The following C2CD3 variants were observed in gnomAD, a reference collection of about 807,000 sequenced individuals.
The protein encoded by C2CD3 is C2 domain-containing protein 3.
A neutral mutation model predicts 234.0 loss-of-function variants in C2CD3; 148 were observed. That is an observed-to-expected ratio of 0.63 (90% CI 0.55 to 0.72). The LOEUF (loss-of-function observed/expected upper bound fraction) is 0.72. C2CD3 is among the 30% of genes least tolerant of loss of function. C2CD3 has a pLI of 0.00. For missense variants in C2CD3, 2,577 were observed against 2,811.5 expected, an observed-to-expected ratio of 0.92 and a Z score of 1.89; for synonymous variants, 1,000 against 1,035.4, an observed-to-expected ratio of 0.97 and a Z score of 0.66.
chr11:74,119,237 C>A (rs963636449), intron 8 of C2CD3, among the ~76,000 whole-genome samples: 1 of 152,102 alleles, frequency 6.6e-6, no homozygotes, highest in African/African-American at 2.4e-5. Flanking sequence ...CCATTCTATA[C>A]TACAAATGAT....
In C2CD3 at chr11:74,050,112, A is replaced by T. The variant is rs576341848; in HGVS notation, c.5156-570T>A. 3.0e-4 allele frequency among the ~76,000 whole-genome samples: 46 copies of T among 152,254 alleles called. 2 individuals are homozygous for T. In the South Asian group the frequency reaches 8.7e-3, roughly 29 times the overall value. On this transcript the variant is annotated intron_variant, in intron 26 of 32. Transcript: ENST00000334126. ...TTGATATAGGCAATTAGAAAATAAC[A>T]CTAAATTTAAGAACTTATTTTTCCT...
chr11:74,042,132 C>T lies in C2CD3; in HGVS notation c.5582G>A (p.Gly1861Glu). 1 of 1,613,854 alleles carries T rather than the reference C, an allele frequency of 6.2e-7. No homozygotes were observed. The highest frequency in any genetic ancestry group is 8.5e-7 in the Non-Finnish European group (1 of 1,179,978). ...GTCATCACATGGCAAGGGTGCCTCT[C>T]CCTGAAGATGCAGGGATTCATGAAA... ...RRFHESLHLQ[G>E]EAPLPCDDKL... is the part of the protein sequence containing the mutation. The change falls in exon 29 of 33, where the codon GGA becomes GAA. Residue 1861 changes from glycine to glutamate, a missense_variant. Gly to Glu is a moderately conservative substitution (Grantham distance 98). Transcript: ENST00000334126.
rs760878855 is a variant in C2CD3, at chr11:74,034,266, A to G, written c.5894T>C (p.Ile1965Thr). ...VSSLITDLQT[I>T]TRDSQAALSS... is the part of the protein sequence containing the mutation. ...CAAAGCTGCTTGCGAATCCCTGGTG[A>G]TAGTCTGCAGATCTGAACAGCAACA... Residue 1965 changes from isoleucine to threonine, a missense_variant, in exon 31 of 33, where the codon ATC becomes ACC. Ile to Thr is a moderately conservative substitution (Grantham distance 89). Coordinates refer to ENST00000334126, the MANE Select transcript of C2CD3 (RefSeq NM_001286577.2). The G allele has an allele frequency of 3.4e-5, 52 of 1,535,358 alleles. No individual in the cohort carries two copies. The highest frequency in any genetic ancestry group is 4.3e-5 in the Non-Finnish European group (49 of 1,146,550).
At chr11:74,023,604 CA>C (rs1460967976) in intron 32 of C2CD3, among the ~76,000 whole-genome samples, 2 of 152,190 alleles carry the variant, frequency 1.3e-5, no homozygotes, top group African/African-American at 4.8e-5. Flanking sequence ...TTTTTCCTCT[CA>C]AAAGGCCAAT....
chr11:74,038,114 T>C (rs1228262239), intron 29 of C2CD3, among the ~76,000 whole-genome samples: 1 of 152,136 alleles, frequency 6.6e-6, no homozygotes, highest in Admixed American at 6.6e-5. Context: ...CTTCCCTAAA[T>C]TGGTTTAGGG....
chr11:74,042,339 T>G (rs1953107785), intron 28 of C2CD3, 121 bp from the exon 29 acceptor site: 1 of 1,001,702 alleles, frequency 1.0e-6, no homozygotes. Context: ...ATCCCCACTA[T>G]CACAGTTCTG....
intron 3 of C2CD3, chr11:74,142,438 A>C (rs1854869476): frequency 6.6e-6 from 1 of 152,248 alleles, no homozygotes; most frequent in Admixed American, 6.5e-5. Flanking sequence ...TGAACTATGA[A>C]ACATGAATAT....
chr11:74,117,014 A>ATATATACGTGTATATGTATATATACACG (rs1956991421), intron 9 of C2CD3, among the ~76,000 whole-genome samples: 8 of 123,000 alleles, frequency 6.5e-5, no homozygotes, highest in Non-Finnish European at 1.2e-4. Context: ...ATATATACAC[A>ATATATACGTGTATATGTATATATACACG]TATATACGTG....
chr11:74,040,546 G>A (rs1215302155), intron 29 of C2CD3, among the ~76,000 whole-genome samples: 3 of 152,012 alleles, frequency 2.0e-5, no homozygotes, highest in Admixed American at 6.6e-5. Context: ...CACGAGGTCA[G>A]GAGTTTGAGA....
intron 3 of C2CD3, among the ~76,000 whole-genome samples, chr11:74,141,229 T>C (rs1958038308): frequency 6.6e-6 from 1 of 152,214 alleles, no homozygotes; most frequent in Non-Finnish European, 1.5e-5. Context: ...AAAACATGCC[T>C]GGGTCTTGAT....
At chr11:74,125,725 G>C (rs1189917167) in intron 7 of C2CD3, among the ~76,000 whole-genome samples, 1 of 151,888 alleles carries the variant, frequency 6.6e-6, no homozygotes, top group African/African-American at 2.4e-5. Context: ...AATTATCCCT[G>C]GTATAAATTA....
At chr11:74,035,271 G>C (rs1365145380) in intron 30 of C2CD3, among the ~76,000 whole-genome samples, 4 of 152,180 alleles carry the variant, frequency 2.6e-5, no homozygotes, top group Non-Finnish European at 5.9e-5. Flanking sequence ...AATAGGAATA[G>C]GCATGGGGAA....
At chr11:74,130,172 C>T (rs1388735091) in intron 7 of C2CD3, among the ~76,000 whole-genome samples, 1 of 138,710 alleles carries the variant, frequency 7.2e-6, no homozygotes, top group Non-Finnish European at 1.5e-5. Context: ...GGGAGAGGGG[C>T]TGTTTGATCC....
At chr11:74,125,229 A>G (rs531244183) in intron 7 of C2CD3, among the ~76,000 whole-genome samples, 3 of 152,246 alleles carry the variant, frequency 2.0e-5, no homozygotes, top group East Asian at 3.9e-4. Context: ...CACTGGTGTG[A>G]TCATAGCTCA....
At chr11:74,117,635 C>T (rs934101712) in intron 9 of C2CD3, among the ~76,000 whole-genome samples, 6 of 151,706 alleles carry the variant, frequency 4.0e-5, no homozygotes, top group East Asian at 3.9e-4. Flanking sequence ...AATTGGAGGC[C>T]GGGTGTGGTG....
rs1181930073 is a variant in C2CD3, at chr11:74,028,249, G to A, written c.6921+38C>T. Reference sequence around the variant, plus strand: ...TGCACACTTCTGTGGAAGAGATGATGACTCTATAGAAGAAAGGTCAGTTGG... The same window carrying A: ...TGCACACTTCTGTGGAAGAGATGATAACTCTATAGAAGAAAGGTCAGTTGG... On this transcript the variant is annotated intron_variant, in intron 32 of 32. Coordinates refer to ENST00000334126, the MANE Select transcript of C2CD3 (RefSeq NM_001286577.2). The A allele has an allele frequency of 2.2e-6, 3 of 1,368,524 alleles. No individual in the cohort carries two copies. The South Asian group carries it at 3.8e-5, about 17-fold the overall frequency. The allele number at this position is 1,368,524 out of a possible 1,614,324, so 84.8% of individuals were successfully genotyped here. A position where few individuals can be genotyped will look rare whatever the true frequency, so the allele number is the denominator to read the frequency against.
At position 74,049,334 on chromosome 11, in the gene C2CD3, T is replaced by A. The variant is rs767262493; in HGVS notation, c.5361+3A>T. On this transcript the variant is annotated splice_donor_region_variant and intron_variant, in intron 27 of 32. Coordinates refer to ENST00000334126, the MANE Select transcript of C2CD3 (RefSeq NM_001286577.2). The stretch of plus-strand genomic sequence containing the variant: ...GGTTAGGGATGTGAATCTCCATACA[T>A]ACCAGTGATTTTGAGGTCTCCACTC... The A allele has an allele frequency of 5.5e-5, 89 of 1,612,434 alleles. No individual in the cohort carries two copies. Among genetic ancestry groups the A allele is most frequent in the Non-Finnish European group, 2.4e-5 (28 of 1,178,542 alleles).
At chr11:74,140,144 A>G (rs1036686730) in intron 3 of C2CD3, among the ~76,000 whole-genome samples, 2 of 151,706 alleles carry the variant, frequency 1.3e-5, no homozygotes, top group African/African-American at 4.8e-5. Flanking sequence ...CCCATTCCCT[A>G]CAGGATTGTA....
chr11:74,090,245 T>C (rs946885562), intron 20 of C2CD3, among the ~76,000 whole-genome samples: 7 of 152,094 alleles, frequency 4.6e-5, no homozygotes, highest in African/African-American at 1.4e-4. Flanking sequence ...AGATCAAACA[T>C]AGGCCAGGTG....
Sources: gnomAD v4.1 joint callset for allele counts (sites outside exome capture counted in the v4.1 genomes callset) on GRCh38, gnomAD v4.1.1 for gene constraint, MANE v1.5 for transcripts, NCBI Gene and HGNC (gene_info 2026-07-23, HGNC 2026-07-21) for gene names.